ROCK2: variants seen among roughly 807,000 people sequenced by gnomAD.
The protein encoded by ROCK2 is Rho associated coiled-coil containing protein kinase 2.
ROCK2 carries 61 observed loss-of-function variants against 195.1 expected under a neutral mutation model. The ratio of observed to expected loss-of-function variants is 0.31; its 90% CI spans 0.25 to 0.39. The LOEUF (loss-of-function observed/expected upper bound fraction) is 0.39. Ranked by LOEUF, ROCK2 falls within the 10% of genes least tolerant of loss-of-function variation. ROCK2 has a pLI of 1.00. For missense variants in ROCK2, 1,109 were observed against 1,637.4 expected, an observed-to-expected ratio of 0.68 and a Z score of 5.57; for synonymous variants, 504 against 545.5, an observed-to-expected ratio of 0.92 and a Z score of 1.06.
chr2:11,256,911 T>C (rs1014463914), intron 3 of ROCK2, among the ~76,000 whole-genome samples: 2 of 151,316 alleles, frequency 1.3e-5, no homozygotes, highest in African/African-American at 4.9e-5. Context: ...GGTCTTAGTT[T>C]AGGTTGTTCG....
chr2:11,220,515 G>A (rs1338053566), intron 9 of ROCK2, among the ~76,000 whole-genome samples: 1 of 152,118 alleles, frequency 6.6e-6, no homozygotes, highest in Non-Finnish European at 1.5e-5. Flanking sequence ...GAATGATCTT[G>A]TGTCAGACTT....
At chr2:11,284,771 A>T (rs1667127930) in intron 3 of ROCK2, among the ~76,000 whole-genome samples, 1 of 152,218 alleles carries the variant, frequency 6.6e-6, no homozygotes, top group Non-Finnish European at 1.5e-5. Flanking sequence ...AGTACTGTTA[A>T]GCAACTATTC....
At chr2:11,311,097 C>T (rs1247256607) in intron 1 of ROCK2, among the ~76,000 whole-genome samples, 1 of 151,722 alleles carries the variant, frequency 6.6e-6, no homozygotes, top group Non-Finnish European at 1.5e-5. Flanking sequence ...TATCAAGCCC[C>T]TGAAATTCTA....
At chr2:11,219,488 G>C (rs1033640878) in intron 9 of ROCK2, among the ~76,000 whole-genome samples, 2 of 152,090 alleles carry the variant, frequency 1.3e-5, no homozygotes, top group African/African-American at 4.8e-5. Flanking sequence ...TCTAGCCTGG[G>C]CGACGAAGTG....
chr2:11,208,045 T>G, intron 19 of ROCK2, 135 bp from the exon 20 acceptor site: 1 of 490,550 alleles, frequency 2.0e-6, no homozygotes, highest in Admixed American at 4.4e-5. Flanking sequence ...ATACTAAAAT[T>G]TTTTTTGTAT....
At chr2:11,238,512 T>TA (rs1665306934) in intron 4 of ROCK2, among the ~76,000 whole-genome samples, 1 of 152,098 alleles carries the variant, frequency 6.6e-6, no homozygotes, top group Non-Finnish European at 1.5e-5. Context: ...CAGGAGGACT[T>TA]ACATTTCCCA....
chr2:11,240,066 T>C (rs1286933964), intron 4 of ROCK2, among the ~76,000 whole-genome samples: 1 of 152,200 alleles, frequency 6.6e-6, no homozygotes, highest in Non-Finnish European at 1.5e-5. Context: ...CACCAACCAG[T>C]AAGCTCCACT....
chr2:11,323,383 T>C (rs1400243163), intron 1 of ROCK2, among the ~76,000 whole-genome samples: 2 of 146,940 alleles, frequency 1.4e-5, no homozygotes, highest in Non-Finnish European at 2.9e-5. Flanking sequence ...AAACAAATAC[T>C]CAGGAAGACA....
In ROCK2 at chr2:11,207,784, T is replaced by A. The variant is rs1236300627; in HGVS notation, c.2491A>T (p.Asn831Tyr). The change falls in exon 20 of 33, where the codon AAT (asparagine) becomes TAT (tyrosine). Residue 831 changes from asparagine (N) to tyrosine (Y), a missense_variant. Asn to Tyr is a moderately radical substitution (Grantham distance 143). Coordinates refer to ENST00000315872, the MANE Select transcript of ROCK2 (RefSeq NM_004850.5). Reference protein sequence around the residue: ...KMSEKQLKQENNHLMEMKMNL... With the variant: ...KMSEKQLKQEYNHLMEMKMNL... ...ATTTTCATTTCCATGAGATGGTTAT[T>A]TTCTTGCTTTAACTGCTTTTCTGAC... 1.7e-5 allele frequency: 28 copies of A among 1,610,846 alleles called. No individual in the cohort carries two copies. The highest frequency in any genetic ancestry group is 2.4e-5 in the Non-Finnish European group (28 of 1,177,920).
chr2:11,301,966 C>T (rs1667721745), intron 1 of ROCK2, among the ~76,000 whole-genome samples: 1 of 151,668 alleles, frequency 6.6e-6, no homozygotes, highest in African/African-American at 2.4e-5. Flanking sequence ...CCACCACGCC[C>T]TGCTTATTTT....
intron 4 of ROCK2, among the ~76,000 whole-genome samples, chr2:11,246,349 CT>C (rs753478093): frequency 1.6e-4 from 25 of 152,118 alleles, no homozygotes; most frequent in Non-Finnish European, 3.5e-4. Flanking sequence ...GAGGGAAACT[CT>C]CTACATTGAG....
At chr2:11,304,591 G>C (rs929674582) in intron 1 of ROCK2, among the ~76,000 whole-genome samples, 1 of 152,192 alleles carries the variant, frequency 6.6e-6, no homozygotes, top group African/African-American at 2.4e-5. Context: ...ATGGAACTCA[G>C]AGAATGATGC....
chr2:11,244,550 G>C (rs888974367), intron 4 of ROCK2, among the ~76,000 whole-genome samples: 7 of 152,076 alleles, frequency 4.6e-5, no homozygotes, highest in Non-Finnish European at 7.3e-5. Flanking sequence ...AGGAATGCTT[G>C]AGGCCAGGAG....
chr2:11,209,514 G>A (rs1664177034), intron 18 of ROCK2, among the ~76,000 whole-genome samples: 1 of 152,162 alleles, frequency 6.6e-6, no homozygotes, highest in Admixed American at 6.5e-5. Context: ...TTACAAAATA[G>A]TATCCTAACT....
At chr2:11,266,068 A>C (rs1023730999) in intron 3 of ROCK2, among the ~76,000 whole-genome samples, 5 of 152,346 alleles carry the variant, frequency 3.3e-5, no homozygotes, top group African/African-American at 1.2e-4. Context: ...ACAGAGGGTC[A>C]GGATCATAAA....
rs774640823 is a variant in ROCK2 at position 11,180,771 on chromosome 2, A to G, written c.*2666T>C. 1 of 152,258 alleles carries G rather than the reference A, an allele frequency of 6.6e-6. No individual in the cohort carries two copies. Among genetic ancestry groups the G allele is most frequent in the African/African-American group, 2.4e-5 (1 of 41,464 alleles). 9.4% of individuals were successfully genotyped at this position (152,258 alleles called of 1,614,324 possible). On this transcript the variant is annotated 3_prime_UTR_variant, in exon 33 of 33. Coordinates refer to ENST00000315872, the MANE Select transcript of ROCK2 (RefSeq NM_004850.5). ...AAAAACGAGAAACGAGCACAAAATC[A>G]GGTTGTTTTATATTTAATAAGTGTT...
Position 11,297,121 on chromosome 2 carries a change from G to C in ROCK2, c.142-9385C>G, listed in dbSNP as rs1667558970. On this transcript the variant is annotated intron_variant, in intron 1 of 32. Transcript: ENST00000315872. ...GTAAATTTTACTAAAGCTTGTCAAA[G>C]TTATATTAACCAATCATTAAAAATA... Among the ~76,000 whole-genome samples, 3 of 152,052 alleles carry C rather than the reference G, an allele frequency of 2.0e-5. No homozygotes were observed. The South Asian group carries it at 6.2e-4, about 32-fold the overall frequency.
intron 1 of ROCK2, among the ~76,000 whole-genome samples, chr2:11,322,251 G>A (rs1395386969): frequency 6.6e-6 from 1 of 151,936 alleles, no homozygotes; most frequent in Non-Finnish European, 1.5e-5. Context: ...TTCAAAAATC[G>A]AGGTGTTAAC....
In ROCK2 at chr2:11,207,801, T is replaced by C. The variant is rs1476943025; in HGVS notation, c.2474A>G (p.Lys825Arg). The C allele has an allele frequency of 6.2e-7, 1 of 1,612,936 alleles. No homozygotes were observed. The highest frequency in any genetic ancestry group is 8.5e-7 in the Non-Finnish European group (1 of 1,179,210). ...ATGGTTATTTTCTTGCTTTAACTGC[T>C]TTTCTGACATTTTTAGTGTGTTAAC... ...QQVNTLKMSE[K>R]QLKQENNHLM... is the part of the protein sequence containing the mutation. Residue 825 changes from lysine to arginine, a missense_variant, in exon 20 of 33, where the codon AAG becomes AGG. Lys to Arg is a conservative substitution (Grantham distance 26, BLOSUM62 2). This residue lies in a region of ROCK2 where 542 missense variants were observed against 672.0 expected (regional missense o/e 0.81). Transcript: ENST00000315872.
Sources: allele counts gnomAD v4.1 joint callset (sites outside exome capture counted in the v4.1 genomes callset), GRCh38; gene constraint gnomAD v4.1.1; regional missense constraint gnomAD v4.1.1; transcripts MANE v1.5; gene names NCBI Gene and HGNC (gene_info 2026-07-23, HGNC 2026-07-21).